Variants in ARID2 observed in about 807,000 individuals in gnomAD.
ARID2 encodes the protein AT-rich interaction domain 2.
Under a neutral mutation model 184.6 loss-of-function variants are expected in ARID2, and 32 were observed. That is an observed-to-expected ratio of 0.17 (90% CI 0.13 to 0.23). The LOEUF is 0.23. Ranked by LOEUF, ARID2 falls within the 10% of genes least tolerant of loss-of-function variation. The probability of loss-of-function intolerance (pLI) is 1.00; values close to 1 mark genes in which losing one functional copy is unlikely to be tolerated. For synonymous variants in ARID2, 836 were observed against 772.6 expected, an observed-to-expected ratio of 1.08 and a Z score of -1.36; for missense variants, 1,696 against 2,197.6, an observed-to-expected ratio of 0.77 and a Z score of 4.56.
intron 3 of ARID2, among the ~76,000 whole-genome samples, chr12:45,763,313 AC>A (rs1478373097): frequency 1.3e-5 from 2 of 152,130 alleles, no homozygotes; most frequent in Non-Finnish European, 2.9e-5. Flanking sequence ...TACTAAAAAT[AC>A]AAAAAATTAG....
At chr12:45,859,171 C>A (rs1269365121) in intron 15 of ARID2, among the ~76,000 whole-genome samples, 1 of 152,176 alleles carries the variant, frequency 6.6e-6, no homozygotes, top group Non-Finnish European at 1.5e-5. Flanking sequence ...CAAGGATGGA[C>A]CACATAATAC....
At chr12:45,731,127 G>C in intron 2 of ARID2, 90 bp from the exon 3 acceptor site, 2 of 956,834 alleles carry the variant, frequency 2.1e-6, no homozygotes, top group Non-Finnish European at 3.4e-6. Context: ...GGTATCTACA[G>C]ATCTCTGTAG....
intron 15 of ARID2, among the ~76,000 whole-genome samples, chr12:45,860,527 C>T (rs958832896): frequency 1.3e-5 from 2 of 151,438 alleles, no homozygotes; most frequent in Non-Finnish European, 2.9e-5. Flanking sequence ...TTGTTTCATC[C>T]TAAAAATCTT....
chr12:45,802,534 C>T (rs991355991), intron 3 of ARID2, among the ~76,000 whole-genome samples: 4 of 151,492 alleles, frequency 2.6e-5, no homozygotes, highest in African/African-American at 4.9e-5. Context: ...TTTATTGTAA[C>T]GGGTAGATTG....
rs1235934858 is a variant in ARID2 at position 45,907,026 on chromosome 12, AGGAG to A, written c.*1950_*1953del. The A allele has an allele frequency of 4.3e-6, 1 of 231,678 alleles. No individual in the cohort carries two copies. Among genetic ancestry groups the A allele is most frequent in the Non-Finnish European group, 8.5e-6 (1 of 117,176 alleles). 14.4% of individuals were successfully genotyped at this position (231,678 alleles called of 1,614,324 possible). ...AATGTAAAATCTAGTTTCTTCCTGA[AGGAG>A]GATCCCTGGCGCTGTCCTGCCATGT... is the stretch of plus-strand genomic sequence containing the variant. On this transcript the variant is annotated 3_prime_UTR_variant, in exon 21 of 21. Coordinates refer to ENST00000334344, the MANE Select transcript of ARID2 (RefSeq NM_152641.4).
intron 6 of ARID2, among the ~76,000 whole-genome samples, chr12:45,826,094 A>G (rs1942995215): frequency 6.6e-6 from 1 of 152,088 alleles, no homozygotes; most frequent in Admixed American, 6.6e-5. Context: ...GCTTATATAA[A>G]AATAATTTTA....
intron 3 of ARID2, among the ~76,000 whole-genome samples, chr12:45,757,442 T>C (rs555962339): frequency 1.3e-5 from 2 of 152,316 alleles, no homozygotes; most frequent in South Asian, 4.1e-4. Flanking sequence ...TTAGGAAATG[T>C]TGCCGTCAGT....
At chr12:45,784,371 C>T (rs1172292116) in intron 3 of ARID2, among the ~76,000 whole-genome samples, 1 of 151,730 alleles carries the variant, frequency 6.6e-6, no homozygotes, top group African/African-American at 2.4e-5. Context: ...ACCAGCAATT[C>T]CAATTAAAAT....
In ARID2 at chr12:45,870,168, T is replaced by C. The variant is rs974098675; in HGVS notation, c.4922+9219T>C. Among the ~76,000 whole-genome samples the C allele has an allele frequency of 5.7e-4, 86 of 152,084 alleles. 1 individual carries two copies. The highest frequency in any genetic ancestry group is 2.0e-3 in the African/African-American group (84 of 41,516). Reference sequence around the variant, plus strand: ...GCCCTGCTAACTTTTTTTGTATTTTTAGTAGAGAACGGGGCTTCACTGTGC... The same window carrying C: ...GCCCTGCTAACTTTTTTTGTATTTTCAGTAGAGAACGGGGCTTCACTGTGC... On this transcript the variant is annotated intron_variant, in intron 16 of 20. Coordinates refer to ENST00000334344, the MANE Select transcript of ARID2 (RefSeq NM_152641.4).
intron 3 of ARID2, among the ~76,000 whole-genome samples, chr12:45,802,507 ATTG>A (rs1250024355): frequency 1.3e-5 from 2 of 152,104 alleles, no homozygotes; most frequent in African/African-American, 4.8e-5. Context: ...CTTTCTATTT[ATTG>A]TTAGAATTTC....
chr12:45,886,692 C>A (rs1301052686), intron 16 of ARID2, among the ~76,000 whole-genome samples: 2 of 152,198 alleles, frequency 1.3e-5, no homozygotes, highest in Non-Finnish European at 2.9e-5. Flanking sequence ...TCCCAAACCT[C>A]AATTTTTGAT....
At chr12:45,895,530 A>G (rs1311059945) in intron 20 of ARID2, among the ~76,000 whole-genome samples, 8 of 152,272 alleles carry the variant, frequency 5.3e-5, no homozygotes, top group Non-Finnish European at 1.2e-4. Flanking sequence ...ATTTTCTCCT[A>G]GAGTTCTGAT....
chr12:45,805,880 GT>G (rs1467024552), intron 3 of ARID2, among the ~76,000 whole-genome samples: 1 of 152,122 alleles, frequency 6.6e-6, no homozygotes, highest in Non-Finnish European at 1.5e-5. Context: ...GTAGCTGAAT[GT>G]TTGTACCCAT....
At chr12:45,815,997 C>A (rs1192587342) in intron 4 of ARID2, among the ~76,000 whole-genome samples, 1 of 152,068 alleles carries the variant, frequency 6.6e-6, no homozygotes, top group African/African-American at 2.4e-5. Context: ...TAGTTTTTTG[C>A]CTTTTCCCTT....
rs560068535 is a variant in ARID2 at position 45,729,864 on chromosome 12, C to T, written c.28C>T (p.Pro10Ser). ...GGCAAACTCGACGGGGAAGGCGCCT[C>T]CGGACGAGCGGAGAAAGGGACTCGC... MANSTGKAP[P>S]DERRKGLAFL... Residue 10 changes from proline (P) to serine (S), a missense_variant, in exon 1 of 21, where the codon CCG (proline) becomes TCG (serine). Physicochemically the swap from Pro to Ser is moderately conservative, Grantham distance 74. Transcript: ENST00000334344. The T allele has an allele frequency of 8.1e-6, 13 of 1,611,492 alleles. No homozygotes were observed. Among genetic ancestry groups the T allele is most frequent in the Non-Finnish European group, 1.1e-5 (13 of 1,179,112 alleles).
At chr12:45,834,538 T>C (rs1943179786) in intron 6 of ARID2, among the ~76,000 whole-genome samples, 1 of 152,220 alleles carries the variant, frequency 6.6e-6, no homozygotes, top group African/African-American at 2.4e-5. Context: ...AGGTTAGGAC[T>C]TCACGACCAG....
At chr12:45,837,905 TTTAACGTTA>T (rs762229798) in intron 10 of ARID2, among the ~76,000 whole-genome samples, 198 bp downstream of exon 10, 4 of 152,218 alleles carry the variant, frequency 2.6e-5, no homozygotes, top group Admixed American at 1.3e-4. Context: ...AATTACATTC[TTTAACGTTA>T]TGCAACATTG....
chr12:45,885,082 T>C (rs1944165193), intron 16 of ARID2, among the ~76,000 whole-genome samples: 1 of 151,676 alleles, frequency 6.6e-6, no homozygotes, highest in African/African-American at 2.4e-5. Flanking sequence ...TTTTTTCTAT[T>C]TTGAACTTTT....
At chr12:45,897,986 C>T (rs529271016) in intron 20 of ARID2, among the ~76,000 whole-genome samples, 5 of 151,786 alleles carry the variant, frequency 3.3e-5, no homozygotes, top group African/African-American at 4.8e-5. Context: ...TTAGTAGAGA[C>T]GAGGTCTCAC....
Sources: gnomAD v4.1 joint callset for allele counts (sites outside exome capture counted in the v4.1 genomes callset) on GRCh38, gnomAD v4.1.1 for gene constraint, MANE v1.5 for transcripts, NCBI Gene and HGNC (gene_info 2026-07-23, HGNC 2026-07-21) for gene names.